CCT4: variants seen among roughly 807,000 people sequenced by gnomAD.
CCT4 encodes the protein T-complex protein 1 subunit delta.
Under a neutral mutation model 62.5 loss-of-function variants are expected in CCT4, and 17 were observed. That is an observed-to-expected ratio of 0.27 (90% CI 0.19 to 0.41). The LOEUF is 0.41. Among genes scored for constraint, CCT4 ranks in the 10% least tolerant of loss-of-function variants. The pLI is 1.00. For synonymous variants in CCT4, 250 were observed against 229.9 expected, an observed-to-expected ratio of 1.09 and a Z score of -0.79; for missense variants, 592 against 659.2, an observed-to-expected ratio of 0.90 and a Z score of 1.12.
At chr2:61,876,365 T>G (rs1004633201) in intron 7 of CCT4, 131 bp from the exon 8 acceptor site, 2 of 585,572 alleles carry the variant, frequency 3.4e-6, no homozygotes, top group Non-Finnish European at 5.6e-6. Flanking sequence ...TATATAGACA[T>G]GCATAGAAAA....
At chr2:61,884,449 T>C (rs60337632) in intron 2 of CCT4, among the ~76,000 whole-genome samples, 1 of 151,688 alleles carries the variant, frequency 6.6e-6, no homozygotes, top group Non-Finnish European at 1.5e-5. Flanking sequence ...TAACTGGGAT[T>C]ACAGGTGCCC....
intron 5 of CCT4, among the ~76,000 whole-genome samples, chr2:61,877,732 T>C (rs1669031777): frequency 6.6e-6 from 1 of 152,210 alleles, no homozygotes; most frequent in African/African-American, 2.4e-5. Context: ...GCTTTTTTCT[T>C]TTATTAATAT....
At chr2:61,877,710 A>C (rs888738696) in intron 5 of CCT4, among the ~76,000 whole-genome samples, 196 bp from the exon 6 acceptor site, 1 of 152,178 alleles carries the variant, frequency 6.6e-6, no homozygotes. Flanking sequence ...CAAAATAAAA[A>C]CATGTATGCT....
intron 5 of CCT4, among the ~76,000 whole-genome samples, chr2:61,878,345 C>A (rs771375254): frequency 9.9e-5 from 15 of 152,128 alleles, no homozygotes; most frequent in Non-Finnish European, 2.1e-4. Context: ...AAGGGATGGA[C>A]CACGATGGGC....
At chr2:61,868,858 C>T (rs1668826257) in intron 13 of CCT4, 152 bp from the exon 14 acceptor site, 2 of 650,984 alleles carry the variant, frequency 3.1e-6, no homozygotes, top group South Asian at 3.5e-5. Context: ...AAAACTTGGC[C>T]AGGCACGGTG....
At position 61,888,616 on chromosome 2, in the gene CCT4, G is replaced by A. The variant is rs1033158146; in HGVS notation, c.-109C>T. On this transcript the variant is annotated 5_prime_UTR_variant, in exon 1 of 14. Transcript: ENST00000394440. ...CCTCACTGCCTTCACGAACCTTCCA[G>A]AAAGCGGCGCCGGCGTCGGGAGGAG... 9.0e-6 allele frequency: 12 copies of A among 1,334,984 alleles called. No homozygotes were observed. The highest frequency in any genetic ancestry group is 1.5e-5 in the African/African-American group (1 of 67,008). 82.7% of individuals were successfully genotyped at this position (1,334,984 alleles called of 1,614,324 possible).
chr2:61,881,308 C>T (rs1669105733), intron 3 of CCT4, among the ~76,000 whole-genome samples: 3 of 151,934 alleles, frequency 2.0e-5, no homozygotes, highest in African/African-American at 2.4e-5. Context: ...ACTTTTGTCA[C>T]TTCTGGATAA....
In CCT4 at chr2:61,872,402, GAATAT is replaced by G. The variant is rs1203406164; in HGVS notation, c.1256+51_1256+55del. 14 of 1,452,948 alleles carry G rather than the reference GAATAT, an allele frequency of 9.6e-6. 1 individual carries two copies. The highest frequency in any genetic ancestry group is 9.4e-5 in the South Asian group (7 of 74,844). The allele number at this position is 1,452,948 out of a possible 1,614,324, so 90.0% of individuals were successfully genotyped here. On this transcript the variant is annotated intron_variant, in intron 11 of 13. Coordinates refer to ENST00000394440, the MANE Select transcript of CCT4 (RefSeq NM_006430.4). ...TTGCTATTTATATCTTTAAAAAATA[GAATAT>G]AATAGTTTTAATGTTCAAAATGTTA...
chr2:61,876,017 A>G (rs1668992644), intron 8 of CCT4, 78 bp downstream of exon 8: 3 of 897,984 alleles, frequency 3.3e-6, no homozygotes, highest in Non-Finnish European at 5.1e-6. Context: ...TAAATCATAT[A>G]TTTTATCAGA....
chr2:61,873,222 C>G lies in CCT4; in HGVS notation c.989G>C (p.Arg330Thr), dbSNP rs1668922344. 5.9e-6 allele frequency: 9 copies of G among 1,516,460 alleles called. No individual in the cohort carries two copies. Among genetic ancestry groups the G allele is most frequent in the Non-Finnish European group, 8.2e-6 (9 of 1,091,428 alleles). The allele number at this position is 1,516,460 out of a possible 1,614,324, so 93.9% of individuals were successfully genotyped here. Residue 330 changes from arginine (R) to threonine (T), a missense_variant, in exon 9 of 14, where the codon AGA becomes ACA. Around this residue, in one of 3 missense-constraint regions of CCT4, gnomAD observed 522 missense variants for 571.2 expected, o/e 0.91. Coordinates refer to ENST00000394440, the MANE Select transcript of CCT4 (RefSeq NM_006430.4). ...CTTACAAATGAATTCAATGTCTTCTCTTTCAATATCCTTAATCACCATGAT... is the reference window on the plus strand; with the variant it reads ...CTTACAAATGAATTCAATGTCTTCTGTTTCAATATCCTTAATCACCATGAT... ...MKIMVIKDIE[R>T]EDIEFICKTI...
intron 7 of CCT4, among the ~76,000 whole-genome samples, chr2:61,876,558 G>C (rs940626033): frequency 8.5e-5 from 13 of 152,160 alleles, no homozygotes; most frequent in African/African-American, 3.1e-4. Flanking sequence ...CAGCAACAGT[G>C]AAAAGATGGG....
rs747640790 is a variant in CCT4, at chr2:61,872,341, G to A, written c.1257-25C>T. On this transcript the variant is annotated intron_variant, in intron 11 of 13. Coordinates refer to ENST00000394440, the MANE Select transcript of CCT4 (RefSeq NM_006430.4). Reference sequence around the variant, plus strand: ...CCTGAAATTCACAAATATATTTTTAGCTTATTTTATCCAAAAGAAAATTAT... The same window carrying A: ...CCTGAAATTCACAAATATATTTTTAACTTATTTTATCCAAAAGAAAATTAT... 19 of 1,519,402 alleles carry A rather than the reference G, an allele frequency of 1.3e-5. No individual in the cohort carries two copies. The African/African-American group carries it at 2.5e-4, about 20-fold the overall frequency. The allele number at this position is 1,519,402 out of a possible 1,614,324, so 94.1% of individuals were successfully genotyped here. A position where few individuals can be genotyped will look rare whatever the true frequency, so the allele number is the denominator to read the frequency against.
In CCT4 at chr2:61,868,606, T is replaced by C. The variant is rs1668822227; in HGVS notation, c.*86A>G. 1 of 1,014,248 alleles carries C rather than the reference T, an allele frequency of 9.9e-7. No homozygotes were observed. The highest frequency in any genetic ancestry group is 1.6e-5 in the African/African-American group (1 of 63,312). The allele number at this position is 1,014,248 out of a possible 1,614,324, so 62.8% of individuals were successfully genotyped here. A position where few individuals can be genotyped will look rare whatever the true frequency, so the allele number is the denominator to read the frequency against. ...AAGCCCAGAAATTCAGAGGAAATAA[T>C]CTTCCAAACAAGGAACACCAAGGTG... is the stretch of plus-strand genomic sequence containing the variant. On this transcript the variant is annotated 3_prime_UTR_variant, in exon 14 of 14. Coordinates refer to ENST00000394440, the MANE Select transcript of CCT4 (RefSeq NM_006430.4).
At chr2:61,871,031 G>GTTT (rs747752539) in intron 12 of CCT4, among the ~76,000 whole-genome samples, 1 of 138,804 alleles carries the variant, frequency 7.2e-6, no homozygotes. Context: ...TCTATTAATA[G>GTTT]TTTTTTTTTT....
At chr2:61,873,157 T>C (rs1463417287) in intron 9 of CCT4, 40 bp downstream of exon 9, 2 of 1,463,162 alleles carry the variant, frequency 1.4e-6, no homozygotes, top group East Asian at 2.3e-5. Flanking sequence ...TTTATCTAAT[T>C]ATCAGACATT....
intron 2 of CCT4, 65 bp from the exon 3 acceptor site, chr2:61,883,613 AT>A: frequency 1.3e-6 from 1 of 785,604 alleles, no homozygotes; most frequent in Non-Finnish European, 2.1e-6. Context: ...AAACTTTTAC[AT>A]TTCAAAATAG....
Position 61,869,396 on chromosome 2 carries a change from C to G in CCT4, c.1605+44G>C, listed in dbSNP as rs554833458. Reference sequence around the variant, plus strand: ...ACAAAAAACCTTTAAAAAATATATGCCTTTTTGACCTCCTAAGAAAATTTG... The same window carrying G: ...ACAAAAAACCTTTAAAAAATATATGGCTTTTTGACCTCCTAAGAAAATTTG... On this transcript the variant is annotated intron_variant, in intron 13 of 13. Coordinates refer to ENST00000394440, the MANE Select transcript of CCT4 (RefSeq NM_006430.4). 4.9e-5 allele frequency: 50 copies of G among 1,021,494 alleles called. 1 individual carries two copies. Among genetic ancestry groups the G allele is most frequent in the Middle Eastern group, 4.1e-4 (2 of 4,876 alleles). 63.3% of individuals were successfully genotyped at this position (1,021,494 alleles called of 1,614,324 possible).
At position 61,876,961 on chromosome 2, in the gene CCT4, T is replaced by C. The variant is rs370129297; in HGVS notation, c.736A>G (p.Ile246Val). 1 of 1,613,898 alleles carries C rather than the reference T, an allele frequency of 6.2e-7. No homozygotes were observed. Among genetic ancestry groups the C allele is most frequent in the East Asian group, 2.2e-5 (1 of 44,858 alleles). Residue 246 changes from isoleucine (I) to valine (V), a missense_variant, in exon 7 of 14, where the codon ATT becomes GTT. Physicochemically the swap from Ile to Val is conservative, Grantham distance 29. This residue lies in a region of CCT4 where 522 missense variants were observed against 571.2 expected (regional missense o/e 0.91). Transcript: ENST00000394440. Reference protein sequence around the residue: ...SGITRVEKAKIGLIQFCLSAP... With the variant: ...SGITRVEKAKVGLIQFCLSAP... Reference sequence around the variant, plus strand: ...GATAAGCAAAACTGAATAAGCCCAATCTTGGCCTTTTCAACTCTGGTTATG... The same window carrying C: ...GATAAGCAAAACTGAATAAGCCCAACCTTGGCCTTTTCAACTCTGGTTATG...
chr2:61,885,014 C>G lies in CCT4; in HGVS notation c.180+6G>C. ...ATTAGTAGTATTCAATGACTCAACT[C>G]TTTACCATTTTATCCATTCCTTTTG... On this transcript the variant is annotated splice_donor_region_variant and intron_variant, in intron 2 of 13. Transcript: ENST00000394440. 6.3e-6 allele frequency: 10 copies of G among 1,580,174 alleles called. No homozygotes were observed. Among genetic ancestry groups the G allele is most frequent in the Non-Finnish European group, 8.6e-6 (10 of 1,164,994 alleles).
Sources: allele counts gnomAD v4.1 joint callset (sites outside exome capture counted in the v4.1 genomes callset), GRCh38; gene constraint gnomAD v4.1.1; regional missense constraint gnomAD v4.1.1; transcripts MANE v1.5; gene names NCBI Gene and HGNC (gene_info 2026-07-23, HGNC 2026-07-21).